CNNM2: variants seen among roughly 807,000 people sequenced by gnomAD.
CNNM2 encodes metal transporter CNNM2.
In CNNM2, 12 loss-of-function variants were observed where a neutral mutation model predicts 66.9. That is an observed-to-expected ratio of 0.18 (90% CI 0.11 to 0.29). The LOEUF is 0.29. CNNM2 is among the 10% of genes least tolerant of loss of function. The probability of loss-of-function intolerance (pLI) is 1.00; values close to 1 mark genes in which losing one functional copy is unlikely to be tolerated. For missense variants in CNNM2, 705 were observed against 1,167.7 expected, an observed-to-expected ratio of 0.60 and a Z score of 5.77; for synonymous variants, 557 against 501.8, an observed-to-expected ratio of 1.11 and a Z score of -1.47.
At chr10:102,950,941 T>C (rs1015370331) in intron 1 of CNNM2, among the ~76,000 whole-genome samples, 2 of 151,280 alleles carry the variant, frequency 1.3e-5, no homozygotes, top group African/African-American at 4.8e-5. Context: ...CTTTCTGTAA[T>C]ATTAGTTCCT....
rs66498944 is a variant in CNNM2 at position 102,976,611 on chromosome 10, ATTTTTTTTTT to A, written c.1621+56529_1621+56538del. 4.3e-3 allele frequency among the ~76,000 whole-genome samples: 258 copies of A among 59,440 alleles called. 1 individual carries two copies. The highest frequency in any genetic ancestry group is 5.6e-3 in the Non-Finnish European group (185 of 32,936). The allele number at this position is 59,440 out of a possible 152,430, so 39.0% of individuals were successfully genotyped here. ...CAGGTGTGCGCCACACGCCCAGGTA[ATTTTTTTTTT>A]TTTTTTTTTTTTTTTTTTGTATTTT... is the stretch of plus-strand genomic sequence containing the variant. On this transcript the variant is annotated intron_variant, in intron 1 of 7. Coordinates refer to ENST00000369878, the MANE Select transcript of CNNM2 (RefSeq NM_017649.5).
chr10:102,953,392 G>C (rs1846913571), intron 1 of CNNM2, among the ~76,000 whole-genome samples: 1 of 151,802 alleles, frequency 6.6e-6, no homozygotes, highest in Admixed American at 6.6e-5. Context: ...GAGTAGCTGG[G>C]ATTACAGGTG....
rs10624810 is a variant in CNNM2, at chr10:102,925,296, C to CAAAAAAAAAAAAA, written c.1621+5213_1621+5225dup. Reference sequence around the variant, plus strand: ...GGGCAACAAGAGCGAAACTCCATCTCAAAAAAAAAAAAAAAAAAAAAAAAA... The same window carrying CAAAAAAAAAAAAA: ...GGGCAACAAGAGCGAAACTCCATCTCAAAAAAAAAAAAAAAAAAAAAAAAAAAAAAAAAAAAAA... On this transcript the variant is annotated intron_variant, in intron 1 of 7. Transcript: ENST00000369878. Among the ~76,000 whole-genome samples, 14 of 17,760 alleles carry CAAAAAAAAAAAAA rather than the reference C, an allele frequency of 7.9e-4. 2 individuals are homozygous for CAAAAAAAAAAAAA. The highest frequency in any genetic ancestry group is 1.8e-3 in the East Asian group (1 of 552). The allele number at this position is 17,760 out of a possible 152,430, so 11.7% of individuals were successfully genotyped here.
chr10:102,993,098 G>A (rs1564836082), intron 1 of CNNM2, among the ~76,000 whole-genome samples: 1 of 152,148 alleles, frequency 6.6e-6, no homozygotes, highest in Non-Finnish European at 1.5e-5. Context: ...CTGGCTTATA[G>A]AACTTGATAC....
rs1354191711 is a variant in CNNM2, at chr10:103,085,257, A to G, written c.*8077A>G. On this transcript the variant is annotated 3_prime_UTR_variant, in exon 8 of 8. Transcript: ENST00000369878. ...GGGCCAGTTTTCCTACTGCAGTTCT[A>G]CTAAGTCATTGACTTGAGGTCAGTG... The G allele has an allele frequency of 6.6e-6, 1 of 152,206 alleles. No homozygotes were observed. Among genetic ancestry groups the G allele is most frequent in the East Asian group, 1.9e-4 (1 of 5,200 alleles). The allele number at this position is 152,206 out of a possible 1,614,324, so 9.4% of individuals were successfully genotyped here.
intron 1 of CNNM2, among the ~76,000 whole-genome samples, chr10:103,047,748 A>T (rs1482559076): frequency 6.6e-6 from 1 of 152,172 alleles, no homozygotes; most frequent in Non-Finnish European, 1.5e-5. Context: ...AGTCACTTGG[A>T]AAATATTGGT....
At chr10:102,923,633 G>A (rs1227962984) in intron 1 of CNNM2, among the ~76,000 whole-genome samples, 1 of 152,088 alleles carries the variant, frequency 6.6e-6, no homozygotes, top group East Asian at 1.9e-4. Context: ...ACATATATAT[G>A]GCTTTAAACC....
chr10:102,921,551 T>C (rs1263749179), intron 1 of CNNM2, among the ~76,000 whole-genome samples: 1 of 152,212 alleles, frequency 6.6e-6, no homozygotes, highest in Non-Finnish European at 1.5e-5. Context: ...TCTTCTGGTT[T>C]CTTAAATAGT....
chr10:103,065,013 A>T (rs1337185159), intron 4 of CNNM2, among the ~76,000 whole-genome samples: 1 of 152,192 alleles, frequency 6.6e-6, no homozygotes, highest in African/African-American at 2.4e-5. Flanking sequence ...CGCAGCAGTG[A>T]ATCTCAACTA....
At chr10:102,952,810 A>G (rs1374078237) in intron 1 of CNNM2, among the ~76,000 whole-genome samples, 1 of 152,118 alleles carries the variant, frequency 6.6e-6, no homozygotes, top group South Asian at 2.1e-4. Context: ...AAATATATCA[A>G]TGCAACTGTG....
At position 103,022,824 on chromosome 10, in the gene CNNM2, G is replaced by A. The variant is rs563172364; in HGVS notation, c.1622-26883G>A. On this transcript the variant is annotated intron_variant, in intron 1 of 7. Coordinates refer to ENST00000369878, the MANE Select transcript of CNNM2 (RefSeq NM_017649.5). The stretch of plus-strand genomic sequence containing the variant: ...CTGGTGAGGGTCTCAGGAAGTTTAC[G>A]ATCATGGTGAAAGGCAAAGGGGGAG... Among the ~76,000 whole-genome samples, 111 of 152,260 alleles carry A rather than the reference G, an allele frequency of 7.3e-4. 1 individual carries two copies. The highest frequency in any genetic ancestry group is 2.6e-3 in the African/African-American group (108 of 41,544).
intron 5 of CNNM2, among the ~76,000 whole-genome samples, chr10:103,071,555 C>T (rs927461021): frequency 1.3e-5 from 2 of 152,172 alleles, no homozygotes; most frequent in African/African-American, 4.8e-5. Context: ...GTAACAAACT[C>T]GTGGGTAGGA....
chr10:103,073,517 G>A (rs575137611), intron 6 of CNNM2, among the ~76,000 whole-genome samples: 21 of 152,286 alleles, frequency 1.4e-4, no homozygotes, highest in African/African-American at 4.6e-4. Flanking sequence ...CAAAACCTTG[G>A]TCATGGGGTG....
At chr10:103,010,833 G>A (rs1334807608) in intron 1 of CNNM2, among the ~76,000 whole-genome samples, 1 of 152,048 alleles carries the variant, frequency 6.6e-6, no homozygotes. Context: ...GCCTGGTCTT[G>A]AAATCCTGAC....
chr10:103,005,468 G>A (rs2064206814), intron 1 of CNNM2, among the ~76,000 whole-genome samples: 1 of 151,766 alleles, frequency 6.6e-6, no homozygotes, highest in Non-Finnish European at 1.5e-5. Flanking sequence ...GGCCAACATG[G>A]TGAAACCCCG....
At chr10:102,985,263 T>A (rs1472205088) in intron 1 of CNNM2, among the ~76,000 whole-genome samples, 1 of 152,178 alleles carries the variant, frequency 6.6e-6, no homozygotes, top group East Asian at 1.9e-4. Flanking sequence ...GTTTTTCCCC[T>A]TCTCACCCTC....
At chr10:102,937,801 T>G (rs1846293337) in intron 1 of CNNM2, among the ~76,000 whole-genome samples, 1 of 151,814 alleles carries the variant, frequency 6.6e-6, no homozygotes, top group Non-Finnish European at 1.5e-5. Context: ...TTTTTTCTTT[T>G]TTTGGTAGAG....
chr10:103,008,587 T>A (rs2064273070), intron 1 of CNNM2, among the ~76,000 whole-genome samples: 1 of 152,120 alleles, frequency 6.6e-6, no homozygotes, highest in Non-Finnish European at 1.5e-5. Context: ...GAGACCATCC[T>A]GGCCAACATG....
intron 1 of CNNM2, among the ~76,000 whole-genome samples, chr10:103,000,985 A>G (rs1235145398): frequency 1.3e-5 from 2 of 152,254 alleles, no homozygotes; most frequent in Non-Finnish European, 2.9e-5. Context: ...ATTTACCAAC[A>G]ATGGAATATG....
Sources: allele counts gnomAD v4.1 joint callset (sites outside exome capture counted in the v4.1 genomes callset), GRCh38; gene constraint gnomAD v4.1.1; transcripts MANE v1.5; gene names NCBI Gene and HGNC (gene_info 2026-07-23, HGNC 2026-07-21).